Variants in ZNF43 observed in about 807,000 individuals in gnomAD.
ZNF43 encodes the protein zinc finger protein 39-like 1 (KOX 27).
Under a neutral mutation model 68.4 loss-of-function variants are expected in ZNF43, and 44 were observed. The observed-to-expected ratio is 0.64, with a 90% CI of 0.51 to 0.83. The LOEUF is 0.83. Ranked by LOEUF, ZNF43 falls within the 40% of genes least tolerant of loss-of-function variation. ZNF43 has a pLI of 0.00. For synonymous variants in ZNF43, 308 were observed against 307.8 expected (o/e 1.00, Z -0.01); for missense variants, 896 against 933.2 (o/e 0.96, Z 0.52).
chr19:21,810,371 T>C (rs1048417816), intron 3 of ZNF43, among the ~76,000 whole-genome samples: 12 of 152,158 alleles, frequency 7.9e-5, no homozygotes, highest in Non-Finnish European at 1.0e-4. Context: ...CAGCTCTCTT[T>C]TGAATTAACA....
At chr19:21,848,003 A>T (rs1020674203) in intron 1 of ZNF43, among the ~76,000 whole-genome samples, 5 of 149,694 alleles carry the variant, frequency 3.3e-5, no homozygotes, top group Non-Finnish European at 5.9e-5. Flanking sequence ...TTGTATTTTT[A>T]GTAGAGACGT....
intron 3 of ZNF43, among the ~76,000 whole-genome samples, chr19:21,815,373 A>T (rs1220650068): frequency 6.6e-6 from 1 of 151,850 alleles, no homozygotes; most frequent in Admixed American, 6.6e-5. Context: ...TTTAATAAAC[A>T]TTTAAAAGAA....
At chr19:21,829,724 C>A (rs1289725491) in intron 1 of ZNF43, among the ~76,000 whole-genome samples, 2 of 152,030 alleles carry the variant, frequency 1.3e-5, no homozygotes, top group African/African-American at 4.8e-5. Context: ...GATAATAAAG[C>A]CTCTGATTTA....
chr19:21,842,707 T>A (rs117163791), intron 1 of ZNF43, among the ~76,000 whole-genome samples: 1,955 of 152,234 alleles, frequency 0.013, 30 homozygotes, highest in Non-Finnish European at 0.017. Flanking sequence ...AAATTCAGAT[T>A]ATGTAGATCC....
At chr19:21,829,032 C>CAAAAAAAAAA (rs551226809) in intron 1 of ZNF43, among the ~76,000 whole-genome samples, 9 of 38,812 alleles carry the variant, frequency 2.3e-4, no homozygotes, top group African/African-American at 5.3e-4. Context: ...GACTCTGTCT[C>CAAAAAAAAAA]AAAAAAAAAA....
chr19:21,841,154 C>T (rs920076656), upstream of ZNF43: 2 of 152,198 alleles, frequency 1.3e-5, no homozygotes, highest in African/African-American at 2.4e-5. Flanking sequence ...CAGGACTTTA[C>T]CTGTTTCTCT....
In ZNF43 at chr19:21,808,777, A is replaced by G. The variant is rs542331803; in HGVS notation, c.1260T>C (p.His420=). Reference sequence around the variant, plus strand: ...CACATTTGTAGGGTTTCTCTCCAGTATGAGTTAACTTATGTTCAGTAAGCT... The same window carrying G: ...CACATTTGTAGGGTTTCTCTCCAGTGTGAGTTAACTTATGTTCAGTAAGCT... ...SSKLTEHKLT[H]TGEKPYKCEE... Residue 420 remains histidine (H), a synonymous_variant, in exon 4 of 4, where the codon CAT becomes CAC. Coordinates refer to ENST00000354959, the MANE Select transcript of ZNF43 (RefSeq NM_003423.4). The G allele has an allele frequency of 6.2e-7, 1 of 1,611,274 alleles. No homozygotes were observed. The highest frequency in any genetic ancestry group is 2.2e-5 in the East Asian group (1 of 44,670).
At chr19:21,823,511 A>T (rs2037952752) in intron 1 of ZNF43, among the ~76,000 whole-genome samples, 1 of 150,352 alleles carries the variant, frequency 6.7e-6, no homozygotes, top group South Asian at 2.1e-4. Context: ...TGATTGTGAG[A>T]GGATTCCAGT....
intron 1 of ZNF43, among the ~76,000 whole-genome samples, chr19:21,849,427 G>A (rs1440438484): frequency 2.1e-5 from 3 of 144,626 alleles, no homozygotes; most frequent in African/African-American, 7.7e-5. Context: ...GGCGGAGGTT[G>A]CAGTGAGCCA....
At position 21,808,199 on chromosome 19, in the gene ZNF43, T is replaced by G; in HGVS notation, c.1838A>C (p.Lys613Thr). ...GGGTTTTCCTCCAGTATGAATTTTTTTATGTGTAGTAAGGTTTGAAGATTG... is the reference window on the plus strand; with the variant it reads ...GGGTTTTCCTCCAGTATGAATTTTTGTATGTGTAGTAAGGTTTGAAGATTG... Reference protein sequence around the residue: ...FTQSSNLTTHKKIHTGGKPYK... With the variant: ...FTQSSNLTTHTKIHTGGKPYK... Residue 613 changes from lysine to threonine, a missense_variant, in exon 4 of 4, where the codon AAA (lysine) becomes ACA (threonine). Lys to Thr is a moderately conservative substitution (Grantham distance 78). Transcript: ENST00000354959. The G allele has an allele frequency of 6.2e-7, 1 of 1,613,230 alleles. No individual in the cohort carries two copies. The highest frequency in any genetic ancestry group is 8.5e-7 in the Non-Finnish European group (1 of 1,179,656).
chr19:21,807,820 A>G lies in ZNF43; in HGVS notation c.2217T>C (p.Cys739=). The G allele has an allele frequency of 6.2e-7, 1 of 1,613,530 alleles. No homozygotes were observed. The highest frequency in any genetic ancestry group is 1.7e-5 in the Admixed American group (1 of 59,996). The part of the protein sequence containing the change: ...TGEQPYKCEE[C]GKAFNYSSHL... ...GTGAGGAATAGTTAAATGCTTTGCCACATTCTTCACATTTGTAGGGTTGCT... is the reference window on the plus strand; with the variant it reads ...GTGAGGAATAGTTAAATGCTTTGCCGCATTCTTCACATTTGTAGGGTTGCT... The change falls in exon 4 of 4, where the codon TGT becomes TGC. Residue 739 remains cysteine, a synonymous_variant. Transcript: ENST00000354959.
intron 1 of ZNF43, among the ~76,000 whole-genome samples, chr19:21,823,567 A>G (rs1214827285): frequency 7.1e-6 from 1 of 140,850 alleles, no homozygotes; most frequent in Non-Finnish European, 1.5e-5. Context: ...AGAAAGAATC[A>G]GGCCTTTTTT....
At chr19:21,827,054 GAA>G (rs1330711788) in intron 1 of ZNF43, 1 of 151,720 alleles carries the variant, frequency 6.6e-6, no homozygotes, top group Non-Finnish European at 1.5e-5. Flanking sequence ...TAGATTAGAT[GAA>G]AGATTGATCA....
chr19:21,831,018 T>C (rs1306190966), intron 1 of ZNF43, among the ~76,000 whole-genome samples: 1 of 152,160 alleles, frequency 6.6e-6, no homozygotes, highest in Non-Finnish European at 1.5e-5. Flanking sequence ...ATTATCTCAA[T>C]AGATGCAGAA....
At chr19:21,839,387 C>T (rs959685577), upstream of ZNF43, among the ~76,000 whole-genome samples, 7 of 145,220 alleles carry the variant, frequency 4.8e-5, no homozygotes, top group Admixed American at 3.5e-4. Context: ...CTGGGCCCAG[C>T]TACATATCAC....
At chr19:21,838,407 T>TG (rs1393377264), upstream of ZNF43, among the ~76,000 whole-genome samples, 2 of 151,870 alleles carry the variant, frequency 1.3e-5, no homozygotes, top group African/African-American at 4.8e-5. Context: ...AAATTTTTTT[T>TG]TTTTTTTTTG....
rs1568382482 is a variant in ZNF43, at chr19:21,836,123, A to G, written c.-85T>C. ...ACAGAGCCACAGAGGCTGGACCTCT[A>G]GCAGCAGAGGACACAGAAGAACGAA... is the stretch of plus-strand genomic sequence containing the variant. On this transcript the variant is annotated 5_prime_UTR_variant, in exon 1 of 4. Coordinates refer to ENST00000354959, the MANE Select transcript of ZNF43 (RefSeq NM_003423.4). 4.4e-6 allele frequency: 7 copies of G among 1,607,408 alleles called. No homozygotes were observed. The African/African-American group carries it at 5.3e-5, about 12-fold the overall frequency.
intron 1 of ZNF43, among the ~76,000 whole-genome samples, chr19:21,844,331 A>C (rs933674304): frequency 2.8e-5 from 4 of 143,674 alleles, no homozygotes; most frequent in Non-Finnish European, 6.0e-5. Flanking sequence ...CCTGAGTGAT[A>C]AGGGAGACTC....
At chr19:21,817,024 T>A (rs1261386345) in intron 3 of ZNF43, among the ~76,000 whole-genome samples, 1 of 152,112 alleles carries the variant, frequency 6.6e-6, no homozygotes, top group African/African-American at 2.4e-5. Context: ...ACAGATCACC[T>A]GAGGTCAGGA....
Sources: allele counts gnomAD v4.1 joint callset (sites outside exome capture counted in the v4.1 genomes callset), GRCh38; gene constraint gnomAD v4.1.1; transcripts MANE v1.5; gene names NCBI Gene and HGNC (gene_info 2026-07-23, HGNC 2026-07-21).